Variants in AGBL3 observed in about 807,000 individuals in gnomAD.
AGBL3 encodes the protein cytosolic carboxypeptidase 3.
In AGBL3, 68 loss-of-function variants were observed where a neutral mutation model predicts 94.5. That is an observed-to-expected ratio of 0.72 (90% confidence interval 0.59 to 0.88). The LOEUF is 0.88. AGBL3 is among the 40% of genes least tolerant of loss of function. The probability of loss-of-function intolerance (pLI) is 0.00; values close to 1 mark genes in which losing one functional copy is unlikely to be tolerated. For missense variants in AGBL3, 934 were observed against 1,103.8 expected (o/e 0.85, Z 2.18); for synonymous variants, 354 against 370.7 (o/e 0.95, Z 0.52).
At chr7:135,127,471 T>C (rs1218028722) in intron 16 of AGBL3, among the ~76,000 whole-genome samples, 1 of 151,880 alleles carries the variant, frequency 6.6e-6, no homozygotes, top group Non-Finnish European at 1.5e-5. Flanking sequence ...GGGAGTTGCT[T>C]GAACCCGGGA....
chr7:135,105,551 G>A (rs1824569439), intron 15 of AGBL3, among the ~76,000 whole-genome samples: 1 of 152,176 alleles, frequency 6.6e-6, no homozygotes, highest in Non-Finnish European at 1.5e-5. Context: ...TAGATGTGCA[G>A]CCTTATTTCT....
chr7:135,000,492 A>G (rs549533551), intron 4 of AGBL3, among the ~76,000 whole-genome samples: 1 of 152,198 alleles, frequency 6.6e-6, no homozygotes, highest in Non-Finnish European at 1.5e-5. Flanking sequence ...CAGAGCTTCT[A>G]GTTCTCAGGC....
intron 11 of AGBL3, among the ~76,000 whole-genome samples, chr7:135,050,086 GTATGT>G (rs1424524253): frequency 6.6e-6 from 1 of 151,436 alleles, no homozygotes; most frequent in African/African-American, 2.4e-5. Flanking sequence ...ATTAATTCTG[GTATGT>G]TATGTTTTCA....
rs867176596 is a variant in AGBL3 at position 135,115,443 on chromosome 7, G to A, written c.2174G>A (p.Gly725Asp). ...ATATCTTTCCAAAGCAAGAAGACTG[G>A]CATAAATTGGACAGATGATGAAAAA... The part of the protein sequence containing the change: ...ECISFQSKKT[G>D]INWTDDEKRS... Residue 725 changes from glycine to aspartate, a missense_variant, in exon 16 of 17, where the codon GGC (glycine) becomes GAC (aspartate). Physicochemically the swap from Gly to Asp is moderately conservative, Grantham distance 94. Around this residue, in one of 3 missense-constraint regions of AGBL3, gnomAD observed 441 missense variants for 518.2 expected, o/e 0.85. Transcript: ENST00000436302. The A allele has an allele frequency of 6.4e-7, 1 of 1,551,192 alleles. No homozygotes were observed. The highest frequency in any genetic ancestry group is 1.4e-5 in the African/African-American group (1 of 73,012).
At chr7:135,065,254 A>T (rs965507361) in intron 12 of AGBL3, among the ~76,000 whole-genome samples, 4 of 152,222 alleles carry the variant, frequency 2.6e-5, no homozygotes, top group African/African-American at 9.6e-5. Flanking sequence ...AAATGTCTAT[A>T]CTACCCAAAG....
chr7:135,089,138 TAA>T (rs1821572884), intron 15 of AGBL3, among the ~76,000 whole-genome samples: 1 of 152,124 alleles, frequency 6.6e-6, no homozygotes, highest in Non-Finnish European at 1.5e-5. Flanking sequence ...TTCTTCTGCT[TAA>T]ATCTGCCATC....
chr7:135,047,564 C>T (rs538658083), intron 11 of AGBL3, among the ~76,000 whole-genome samples: 1 of 152,086 alleles, frequency 6.6e-6, no homozygotes, highest in South Asian at 2.1e-4. Flanking sequence ...TGATGACAGC[C>T]ATCCTGACAG....
At chr7:135,091,078 G>A (rs1821789221) in intron 15 of AGBL3, among the ~76,000 whole-genome samples, 1 of 152,126 alleles carries the variant, frequency 6.6e-6, no homozygotes. Flanking sequence ...TGTTGATGGA[G>A]GTTACTGGGA....
chr7:135,028,624 C>T (rs1032501523), intron 5 of AGBL3, among the ~76,000 whole-genome samples: 2 of 152,140 alleles, frequency 1.3e-5, no homozygotes, highest in African/African-American at 2.4e-5. Context: ...TCAAACTTAT[C>T]CATAAGGAAT....
chr7:135,122,525 A>G (rs969397049), intron 16 of AGBL3, among the ~76,000 whole-genome samples: 3 of 151,974 alleles, frequency 2.0e-5, no homozygotes, highest in African/African-American at 7.3e-5. Context: ...CACCCCCCCA[A>G]CCAAGGGACA....
chr7:135,008,715 A>G (rs1812724105), intron 4 of AGBL3, among the ~76,000 whole-genome samples: 1 of 152,158 alleles, frequency 6.6e-6, no homozygotes, highest in Admixed American at 6.5e-5. Flanking sequence ...CCCACAGAAC[A>G]AGAGAAAATA....
chr7:135,023,330 A>G (rs548612712), intron 5 of AGBL3, among the ~76,000 whole-genome samples: 1 of 152,288 alleles, frequency 6.6e-6, no homozygotes, highest in East Asian at 1.9e-4. Context: ...GGTGATGCAG[A>G]CACCAAGGTT....
chr7:135,006,448 G>A (rs1334692308), intron 4 of AGBL3, among the ~76,000 whole-genome samples: 1 of 151,884 alleles, frequency 6.6e-6, no homozygotes, highest in Non-Finnish European at 1.5e-5. Flanking sequence ...AAAACTAGCA[G>A]TGGAAATTTG....
intron 15 of AGBL3, among the ~76,000 whole-genome samples, chr7:135,082,878 T>C (rs1245563766): frequency 6.6e-6 from 1 of 152,136 alleles, no homozygotes; most frequent in African/African-American, 2.4e-5. Context: ...TTTGACCTCT[T>C]GTCAAAGCTT....
intron 12 of AGBL3, among the ~76,000 whole-genome samples, chr7:135,064,766 C>T (rs771564928): frequency 6.6e-6 from 1 of 152,150 alleles, no homozygotes; most frequent in Non-Finnish European, 1.5e-5. Context: ...TCTCTAGCTA[C>T]TAAACCATAT....
intron 15 of AGBL3, among the ~76,000 whole-genome samples, chr7:135,087,951 A>T (rs1395657805): frequency 6.6e-6 from 1 of 152,010 alleles, no homozygotes; most frequent in South Asian, 2.1e-4. Flanking sequence ...ATCAAATTCT[A>T]TCTCTCCCTT....
chr7:135,070,674 AAT>A (rs1819816664), intron 12 of AGBL3, among the ~76,000 whole-genome samples: 1 of 152,122 alleles, frequency 6.6e-6, no homozygotes, highest in Non-Finnish European at 1.5e-5. Context: ...AAAATTCGAC[AAT>A]GCTTCATGCT....
chr7:134,991,092 A>AG (rs1034344940), intron 3 of AGBL3, among the ~76,000 whole-genome samples: 1 of 150,136 alleles, frequency 6.7e-6, no homozygotes, highest in Non-Finnish European at 1.5e-5. Flanking sequence ...TGAGACTTGT[A>AG]TAGATGGTTC....
chr7:134,994,917 ATCTC>A, intron 4 of AGBL3, among the ~76,000 whole-genome samples: 1 of 152,174 alleles, frequency 6.6e-6, no homozygotes, highest in South Asian at 2.1e-4. Flanking sequence ...AGTATAGGAC[ATCTC>A]TCTCTCTTTT....
Sources: gnomAD v4.1 joint callset for allele counts (sites outside exome capture counted in the v4.1 genomes callset) on GRCh38, gnomAD v4.1.1 for gene constraint, gnomAD v4.1.1 regional missense constraint, MANE v1.5 for transcripts, NCBI Gene and HGNC (gene_info 2026-07-23, HGNC 2026-07-21) for gene names.